Variants in LRCH1 observed in about 807,000 individuals in gnomAD.
The protein encoded by LRCH1 is leucine-rich repeat and calponin homology domain-containing protein 1.
A neutral mutation model predicts 94.9 loss-of-function variants in LRCH1; 23 were observed. The observed-to-expected ratio is 0.24, with a 90% CI of 0.17 to 0.34. The LOEUF (loss-of-function observed/expected upper bound fraction) is 0.34. Among genes scored for constraint, LRCH1 ranks in the 10% least tolerant of loss-of-function variants. The pLI, the probability that LRCH1 is intolerant of heterozygous loss-of-function variation, is 1.00. For synonymous variants in LRCH1, 364 were observed against 354.9 expected (o/e 1.03, Z -0.29); for missense variants, 790 against 945.9 (o/e 0.84, Z 2.16).
chr13:46,621,673 T>A lies in LRCH1; in HGVS notation c.308-28528T>A, dbSNP rs565596728. Among the ~76,000 whole-genome samples the A allele has an allele frequency of 2.0e-5, 3 of 152,232 alleles. No individual in the cohort carries two copies. The East Asian group carries it at 5.8e-4, about 29-fold the overall frequency. Reference sequence around the variant, plus strand: ...AAAAAGAAAATCTTACACCAGACTTTTACAGCGTTTGCAACTGAGTAAATT... The same window carrying A: ...AAAAAGAAAATCTTACACCAGACTTATACAGCGTTTGCAACTGAGTAAATT... On this transcript the variant is annotated intron_variant, in intron 1 of 19. Transcript: ENST00000389797.
At chr13:46,723,397 C>A in intron 17 of LRCH1, 67 bp downstream of exon 17, 1 of 1,197,560 alleles carries the variant, frequency 8.4e-7, no homozygotes, top group Non-Finnish European at 1.2e-6. Flanking sequence ...GAGAAACAGA[C>A]TTTGAAACAT....
intron 1 of LRCH1, among the ~76,000 whole-genome samples, chr13:46,633,262 T>C (rs1311613551): frequency 2.0e-5 from 3 of 152,222 alleles, no homozygotes; most frequent in Non-Finnish European, 4.4e-5. Flanking sequence ...ATAAACATAG[T>C]AGTTTAGCCT....
chr13:46,657,353 C>T (rs2051382104), intron 2 of LRCH1, among the ~76,000 whole-genome samples: 1 of 148,700 alleles, frequency 6.7e-6, no homozygotes, highest in African/African-American at 2.5e-5. Flanking sequence ...CTGCACTTTA[C>T]CAAGTCCTAT....
At chr13:46,731,883 C>T (rs1244600007) in intron 18 of LRCH1, among the ~76,000 whole-genome samples, 1 of 152,148 alleles carries the variant, frequency 6.6e-6, no homozygotes, top group Non-Finnish European at 1.5e-5. Flanking sequence ...ATTCAGAAAA[C>T]AAACCATTCT....
intron 1 of LRCH1, among the ~76,000 whole-genome samples, chr13:46,613,576 T>C (rs1303571921): frequency 6.6e-6 from 1 of 152,142 alleles, no homozygotes; most frequent in African/African-American, 2.4e-5. Flanking sequence ...CGTGATTGGC[T>C]GATGCTGTGA....
intron 2 of LRCH1, among the ~76,000 whole-genome samples, chr13:46,661,357 A>G (rs1259328098): frequency 6.6e-6 from 1 of 152,230 alleles, no homozygotes; most frequent in Non-Finnish European, 1.5e-5. Context: ...GAATATAAAT[A>G]AAATAATCGT....
At chr13:46,734,187 A>G (rs1188276723) in intron 19 of LRCH1, among the ~76,000 whole-genome samples, 189 bp downstream of exon 19, 2 of 152,204 alleles carry the variant, frequency 1.3e-5, no homozygotes, top group African/African-American at 2.4e-5. Flanking sequence ...ATGACTATGC[A>G]ATATGTTCAA....
At chr13:46,685,851 C>T (rs1870581219) in intron 4 of LRCH1, 54 bp from the exon 5 acceptor site, 1 of 1,279,466 alleles carries the variant, frequency 7.8e-7, no homozygotes, top group East Asian at 2.6e-5. Context: ...GCCATTTAAT[C>T]TTATTGATTT....
chr13:46,590,508 C>T (rs1777699221), intron 1 of LRCH1, among the ~76,000 whole-genome samples: 1 of 152,016 alleles, frequency 6.6e-6, no homozygotes, highest in Admixed American at 6.5e-5. Context: ...ACATTTAAAA[C>T]TCTCTTCTTG....
intron 1 of LRCH1, among the ~76,000 whole-genome samples, chr13:46,576,049 A>G (rs1032620585): frequency 1.1e-4 from 17 of 152,190 alleles, no homozygotes; most frequent in Non-Finnish European, 2.4e-4. Context: ...TGCCTGGACA[A>G]ACGTTGGAAT....
chr13:46,691,367 C>T (rs937894181), intron 7 of LRCH1, among the ~76,000 whole-genome samples: 1 of 152,206 alleles, frequency 6.6e-6, no homozygotes, highest in Non-Finnish European at 1.5e-5. Context: ...TCACACAGAG[C>T]AGTTCTTTTT....
At chr13:46,571,598 G>T (rs1177957368) in intron 1 of LRCH1, among the ~76,000 whole-genome samples, 1 of 152,196 alleles carries the variant, frequency 6.6e-6, no homozygotes, top group African/African-American at 2.4e-5. Flanking sequence ...AAGTGCTCAA[G>T]TCACCATGCC....
intron 1 of LRCH1, among the ~76,000 whole-genome samples, chr13:46,593,257 T>G (rs1325158840): frequency 6.6e-6 from 1 of 150,464 alleles, no homozygotes; most frequent in East Asian, 2.0e-4. Context: ...AGTTTTTCCT[T>G]AAGAGGTTTT....
At chr13:46,709,665 T>C (rs560707883) in intron 13 of LRCH1, among the ~76,000 whole-genome samples, 3 of 152,152 alleles carry the variant, frequency 2.0e-5, no homozygotes, top group Non-Finnish European at 2.9e-5. Context: ...AAAAAAAAGA[T>C]ACTTTTATTC....
chr13:46,692,661 G>T lies in LRCH1; in HGVS notation c.1120+20G>T. 6.4e-7 allele frequency: 1 copy of T among 1,574,552 alleles called. No individual in the cohort carries two copies. ...TTAAAGGTCTGAGAATAAAAATGTGGAGAAAGTGCTTGTTTTTCAGTTTCA... is the reference window on the plus strand; with the variant it reads ...TTAAAGGTCTGAGAATAAAAATGTGTAGAAAGTGCTTGTTTTTCAGTTTCA... On this transcript the variant is annotated intron_variant, in intron 8 of 19. Transcript: ENST00000389797.
At chr13:46,576,998 C>T (rs79351012) in intron 1 of LRCH1, among the ~76,000 whole-genome samples, 3,074 of 152,266 alleles carry the variant, frequency 0.02, 112 homozygotes, top group African/African-American at 0.068. Context: ...TGGCAGGATT[C>T]GGTCCCTTGT....
intron 4 of LRCH1, among the ~76,000 whole-genome samples, chr13:46,682,722 T>C (rs1870392675): frequency 6.6e-6 from 1 of 152,108 alleles, no homozygotes; most frequent in Admixed American, 6.6e-5. Flanking sequence ...GTTTCACCAG[T>C]GGTGACAGCA....
rs546225715 is a variant in LRCH1, at chr13:46,673,746, A to AT, written c.579+4616dup. ...TTAGACTCAGAGTATTCCAAATGGAATTTTTTTTTTTTTTTTTTTTTTTTT... is the reference window on the plus strand; with the variant it reads ...TTAGACTCAGAGTATTCCAAATGGAATTTTTTTTTTTTTTTTTTTTTTTTTT... On this transcript the variant is annotated intron_variant, in intron 3 of 19. Coordinates refer to ENST00000389797, the MANE Select transcript of LRCH1 (RefSeq NM_001164211.2). Among the ~76,000 whole-genome samples, 246 of 108,252 alleles carry AT rather than the reference A, an allele frequency of 2.3e-3. 6 individuals are homozygous for AT. Among genetic ancestry groups the AT allele is most frequent in the African/African-American group, 7.2e-3 (198 of 27,326 alleles). The allele number at this position is 108,252 out of a possible 152,430, so 71.0% of individuals were successfully genotyped here.
chr13:46,598,292 T>C (rs1479307612), intron 1 of LRCH1, among the ~76,000 whole-genome samples: 1 of 152,090 alleles, frequency 6.6e-6, no homozygotes, highest in Non-Finnish European at 1.5e-5. Flanking sequence ...ATGGCCTCTT[T>C]TGAGCAGCCC....
Sources: allele counts gnomAD v4.1 joint callset (sites outside exome capture counted in the v4.1 genomes callset), GRCh38; gene constraint gnomAD v4.1.1; transcripts MANE v1.5; gene names NCBI Gene and HGNC (gene_info 2026-07-23, HGNC 2026-07-21).